Variants in CCSER1 observed in about 807,000 individuals in gnomAD.
CCSER1 encodes serine-rich coiled-coil domain-containing protein 1.
CCSER1 carries 41 observed loss-of-function variants against 82.0 expected under a neutral mutation model. That is an observed-to-expected ratio of 0.50 (90% CI 0.39 to 0.65). The LOEUF is 0.65. Among genes scored for constraint, CCSER1 ranks in the 30% least tolerant of loss-of-function variants. The pLI, the probability that CCSER1 is intolerant of heterozygous loss-of-function variation, is 0.00. For synonymous variants in CCSER1, 414 were observed against 383.9 expected (o/e 1.08, Z -0.92); for missense variants, 1,119 against 1,064.2 (o/e 1.05, Z -0.72).
rs79497587 is a variant in CCSER1, at chr4:90,702,969, G to A, written c.1933-20945G>A. Among the ~76,000 whole-genome samples the A allele has an allele frequency of 7.9e-3, 1,197 of 151,988 alleles. 15 individuals are homozygous for A. The highest frequency in any genetic ancestry group is 0.028 in the African/African-American group (1,143 of 41,438). On this transcript the variant is annotated intron_variant, in intron 6 of 10. Coordinates refer to ENST00000509176, the MANE Select transcript of CCSER1 (RefSeq NM_001145065.2). ...TTGAAGGGTTTTTTATGCCTCTATC[G>A]CCTTCAGTTCTGCTCTGATCTTAGT... is the stretch of plus-strand genomic sequence containing the variant.
chr4:90,744,812 C>A (rs992103753), intron 7 of CCSER1, among the ~76,000 whole-genome samples: 3 of 152,166 alleles, frequency 2.0e-5, no homozygotes, highest in Non-Finnish European at 2.9e-5. Flanking sequence ...GCCTAGTGAT[C>A]TGAGGTGGAA....
At chr4:90,653,821 C>G (rs1242542049) in intron 6 of CCSER1, among the ~76,000 whole-genome samples, 2 of 152,080 alleles carry the variant, frequency 1.3e-5, no homozygotes, top group African/African-American at 4.8e-5. Flanking sequence ...CATTTTCACA[C>G]TGCTATAAAG....
intron 10 of CCSER1, among the ~76,000 whole-genome samples, chr4:91,121,282 TG>T (rs879877926): frequency 5.3e-5 from 8 of 151,708 alleles, no homozygotes; most frequent in African/African-American, 1.9e-4. Context: ...AAAATAATAA[TG>T]AAAAATGATT....
chr4:90,795,114 C>T (rs1045951776), intron 7 of CCSER1, among the ~76,000 whole-genome samples: 2 of 151,888 alleles, frequency 1.3e-5, no homozygotes, highest in Non-Finnish European at 2.9e-5. Flanking sequence ...CATGGTGAAA[C>T]CCCATCTCTA....
intron 4 of CCSER1, among the ~76,000 whole-genome samples, chr4:90,400,399 A>T (rs947290924): frequency 8.5e-5 from 13 of 152,196 alleles, no homozygotes; most frequent in Non-Finnish European, 1.3e-4. Context: ...GAAATATTCT[A>T]GTTAAATAAT....
At chr4:91,177,170 A>G (rs376943823) in intron 10 of CCSER1, among the ~76,000 whole-genome samples, 1 of 152,102 alleles carries the variant, frequency 6.6e-6, no homozygotes, top group African/African-American at 2.4e-5. Context: ...GGATGAAGCC[A>G]ACTTGATCAT....
chr4:90,977,009 T>G (rs757610151), intron 9 of CCSER1, among the ~76,000 whole-genome samples: 1 of 151,586 alleles, frequency 6.6e-6, no homozygotes, highest in Non-Finnish European at 1.5e-5. Flanking sequence ...AATAAAAATA[T>G]AAATAGAAAA....
At chr4:90,795,087 G>A (rs1159066471) in intron 7 of CCSER1, among the ~76,000 whole-genome samples, 4 of 151,904 alleles carry the variant, frequency 2.6e-5, no homozygotes, top group African/African-American at 4.8e-5. Context: ...TCAGGAGTTC[G>A]AGACCAGCCT....
intron 8 of CCSER1, among the ~76,000 whole-genome samples, chr4:90,860,055 A>G (rs1764892957): frequency 6.6e-6 from 1 of 151,746 alleles, no homozygotes; most frequent in South Asian, 2.1e-4. Flanking sequence ...ATGACTATCA[A>G]GAAAGTGAAG....
intron 8 of CCSER1, among the ~76,000 whole-genome samples, chr4:90,895,923 G>A (rs1261518323): frequency 6.6e-6 from 1 of 151,866 alleles, no homozygotes; most frequent in African/African-American, 2.4e-5. Context: ...TTTTAGAAAG[G>A]TGAGTTTAGC....
chr4:90,757,504 A>G (rs1749720944), intron 7 of CCSER1, among the ~76,000 whole-genome samples: 1 of 152,176 alleles, frequency 6.6e-6, no homozygotes, highest in Admixed American at 6.5e-5. Flanking sequence ...GGTTTGGTCT[A>G]TTGGGCCTTG....
chr4:90,667,043 C>T (rs1331852947), intron 6 of CCSER1, among the ~76,000 whole-genome samples: 2 of 152,086 alleles, frequency 1.3e-5, no homozygotes, highest in Non-Finnish European at 2.9e-5. Context: ...ACTGCATGGT[C>T]TTTGGAAGAG....
intron 9 of CCSER1, among the ~76,000 whole-genome samples, chr4:91,056,306 T>C (rs1743441815): frequency 1.3e-5 from 2 of 149,236 alleles, no homozygotes; most frequent in Non-Finnish European, 3.0e-5. Context: ...GGGTAATTTA[T>C]AAAAAAAAAG....
chr4:90,765,525 C>T (rs1751090728), intron 7 of CCSER1, among the ~76,000 whole-genome samples: 1 of 152,060 alleles, frequency 6.6e-6, no homozygotes, highest in Non-Finnish European at 1.5e-5. Context: ...TTGCATCGTA[C>T]TCTTCTCTGT....
At position 91,338,837 on chromosome 4, in the gene CCSER1, C is replaced by A. The variant is rs1354123175; in HGVS notation, c.2217+252843C>A. Among the ~76,000 whole-genome samples the A allele has an allele frequency of 3.0e-4, 45 of 152,080 alleles. 1 individual carries two copies. Among genetic ancestry groups the A allele is most frequent in the Non-Finnish European group, 1.5e-4 (10 of 68,000 alleles). ...CCATAAAATTTCCTGGTGATGCCCA[C>A]ATGCTGATGTAGTTTTCTCTTTAAA... is the stretch of plus-strand genomic sequence containing the variant. On this transcript the variant is annotated intron_variant, in intron 10 of 10. Coordinates refer to ENST00000509176, the MANE Select transcript of CCSER1 (RefSeq NM_001145065.2).
chr4:91,154,444 A>T (rs749145889), intron 10 of CCSER1, among the ~76,000 whole-genome samples: 23 of 152,080 alleles, frequency 1.5e-4, no homozygotes, highest in Non-Finnish European at 2.8e-4. Context: ...GAATTCCCTG[A>T]CCACTTGCGC....
rs985780429 is a variant in CCSER1 at position 91,253,963 on chromosome 4, C to T, written c.2217+167969C>T. Reference sequence around the variant, plus strand: ...GTGCTAAACCATTTGTGAGAAACTGCCCCCATGATCCAATCACCTCCCACC... The same window carrying T: ...GTGCTAAACCATTTGTGAGAAACTGTCCCCATGATCCAATCACCTCCCACC... On this transcript the variant is annotated intron_variant, in intron 10 of 10. Coordinates refer to ENST00000509176, the MANE Select transcript of CCSER1 (RefSeq NM_001145065.2). Among the ~76,000 whole-genome samples, 11 of 152,244 alleles carry T rather than the reference C, an allele frequency of 7.2e-5. No homozygotes were observed. The East Asian group carries it at 1.4e-3, about 19-fold the overall frequency.
intron 5 of CCSER1, among the ~76,000 whole-genome samples, chr4:90,607,413 A>G (rs896585915): frequency 6.6e-6 from 1 of 152,114 alleles, no homozygotes; most frequent in Non-Finnish European, 1.5e-5. Context: ...ATAGAAATTT[A>G]TTGTCTCACA....
intron 10 of CCSER1, among the ~76,000 whole-genome samples, chr4:91,292,545 A>G (rs550470462): frequency 6.6e-6 from 1 of 152,108 alleles, no homozygotes; most frequent in East Asian, 1.9e-4. Flanking sequence ...ATATCAAATA[A>G]TTAGATATAA....
Sources: allele counts gnomAD v4.1 joint callset (sites outside exome capture counted in the v4.1 genomes callset), GRCh38; gene constraint gnomAD v4.1.1; transcripts MANE v1.5; gene names NCBI Gene and HGNC (gene_info 2026-07-23, HGNC 2026-07-21).